The following GNAT3 variants were observed in gnomAD, a reference collection of about 807,000 sequenced individuals.
The protein encoded by GNAT3 is guanine nucleotide-binding protein G(t) subunit alpha-3.
GNAT3 carries 31 observed loss-of-function variants against 37.7 expected under a neutral mutation model. The observed-to-expected ratio is 0.82, with a 90% CI of 0.62 to 1.11. The LOEUF is 1.11. Among genes scored for constraint, GNAT3 ranks in the 50% most tolerant of loss-of-function variants. The probability of loss-of-function intolerance (pLI) is 0.00; values close to 1 mark genes in which losing one functional copy is unlikely to be tolerated. For missense variants in GNAT3, 437 were observed against 412.5 expected, an observed-to-expected ratio of 1.06 and a Z score of -0.51; for synonymous variants, 138 against 139.8, an observed-to-expected ratio of 0.99 and a Z score of 0.09.
At chr7:80,481,983 G>A (rs1790398526) in intron 3 of GNAT3, among the ~76,000 whole-genome samples, 1 of 152,154 alleles carries the variant, frequency 6.6e-6, no homozygotes, top group Non-Finnish European at 1.5e-5. Context: ...TGCATGTATT[G>A]ACTGATATCT....
chr7:80,484,718 G>T (rs533990471), intron 3 of GNAT3, among the ~76,000 whole-genome samples: 1 of 151,928 alleles, frequency 6.6e-6, no homozygotes, highest in East Asian at 1.9e-4. Flanking sequence ...AAAAAAGAGG[G>T]TTTGTTAACC....
chr7:80,463,649 T>C (rs1790089053), intron 5 of GNAT3, among the ~76,000 whole-genome samples: 2 of 151,888 alleles, frequency 1.3e-5, no homozygotes, highest in African/African-American at 4.8e-5. Context: ...ATCTCCCTAA[T>C]ACAATAGCAG....
chr7:80,468,541 T>C (rs531146331), intron 5 of GNAT3, among the ~76,000 whole-genome samples: 2 of 152,208 alleles, frequency 1.3e-5, no homozygotes, highest in East Asian at 1.9e-4. Flanking sequence ...TTCAAGATGT[T>C]AGTCTCTATC....
At chr7:80,477,565 A>T (rs141206036) in intron 4 of GNAT3, among the ~76,000 whole-genome samples, 57 of 152,064 alleles carry the variant, frequency 3.7e-4, no homozygotes, top group African/African-American at 1.3e-3. Flanking sequence ...ATTACAGAAA[A>T]TTTTTTCTCT....
At chr7:80,481,460 A>T (rs977875572) in intron 3 of GNAT3, among the ~76,000 whole-genome samples, 1 of 152,232 alleles carries the variant, frequency 6.6e-6, no homozygotes, top group Admixed American at 6.5e-5. Flanking sequence ...CAGAGATCTT[A>T]GGACTGATAA....
intron 7 of GNAT3, among the ~76,000 whole-genome samples, chr7:80,460,617 G>T (rs369548816): frequency 4.6e-5 from 7 of 151,982 alleles, no homozygotes. Context: ...GCGTGGTGGC[G>T]TGCACCTGTA....
intron 4 of GNAT3, among the ~76,000 whole-genome samples, chr7:80,477,165 C>T (rs142399413): frequency 1.7e-3 from 259 of 152,098 alleles, no homozygotes; most frequent in African/African-American, 5.9e-3. Flanking sequence ...CTAGAAAATA[C>T]AATAAAATGC....
intron 5 of GNAT3, among the ~76,000 whole-genome samples, chr7:80,466,631 C>T (rs1414073233): frequency 1.3e-5 from 2 of 151,852 alleles, no homozygotes; most frequent in East Asian, 1.9e-4. Flanking sequence ...ACATAAACTC[C>T]CCAGGAGGAG....
At chr7:80,487,894 C>T (rs1424858873) in intron 3 of GNAT3, 1 of 151,868 alleles carries the variant, frequency 6.6e-6, no homozygotes, top group East Asian at 1.9e-4. Flanking sequence ...ATATGTCTGC[C>T]TATAAACTTT....
At chr7:80,461,097 A>C (rs544988561) in intron 7 of GNAT3, among the ~76,000 whole-genome samples, 4 of 151,230 alleles carry the variant, frequency 2.6e-5, no homozygotes, top group Admixed American at 1.3e-4. Context: ...AAATGTATGA[A>C]TATATTATAA....
chr7:80,495,646 G>T (rs951320400), intron 1 of GNAT3, among the ~76,000 whole-genome samples: 5 of 151,540 alleles, frequency 3.3e-5, no homozygotes, highest in African/African-American at 1.2e-4. Flanking sequence ...ATTTTTTGTA[G>T]TTTAGTAGAG....
In GNAT3 at chr7:80,482,914, C is replaced by G. The variant is rs373772389; in HGVS notation, c.304-3916G>C. 6.6e-3 allele frequency among the ~76,000 whole-genome samples: 999 copies of G among 152,134 alleles called. 8 individuals are homozygous for G. The highest frequency in any genetic ancestry group is 0.027 in the Middle Eastern group (8 of 294). Reference sequence around the variant, plus strand: ...CATGAATATAGTTCTAGTTTAAACACTTCAATGTTACAAAGTCTCCCTTGA... The same window carrying G: ...CATGAATATAGTTCTAGTTTAAACAGTTCAATGTTACAAAGTCTCCCTTGA... On this transcript the variant is annotated intron_variant, in intron 3 of 7. Coordinates refer to ENST00000398291, the MANE Select transcript of GNAT3 (RefSeq NM_001102386.3).
intron 5 of GNAT3, among the ~76,000 whole-genome samples, chr7:80,466,761 A>G (rs1204220678): frequency 6.6e-6 from 1 of 152,166 alleles, no homozygotes; most frequent in Non-Finnish European, 1.5e-5. Flanking sequence ...AATCAGAGTA[A>G]CAGCAAACTC....
intron 7 of GNAT3, among the ~76,000 whole-genome samples, chr7:80,459,450 G>A (rs1031835707): frequency 3.3e-5 from 5 of 152,134 alleles, no homozygotes; most frequent in Non-Finnish European, 7.4e-5. Flanking sequence ...CTAGATTATA[G>A]ACTATGTTAC....
chr7:80,506,114 T>A (rs536562638), intron 1 of GNAT3, among the ~76,000 whole-genome samples: 1 of 152,368 alleles, frequency 6.6e-6, no homozygotes, highest in African/African-American at 2.4e-5. Flanking sequence ...TAACTGCTCA[T>A]GTTGCTTATA....
intron 1 of GNAT3, among the ~76,000 whole-genome samples, chr7:80,497,656 A>G (rs1211574539): frequency 2.6e-3 from 274 of 105,648 alleles, no homozygotes; most frequent in South Asian, 4.5e-3. Context: ...ATACGTATAT[A>G]CATATACGTA....
intron 4 of GNAT3, among the ~76,000 whole-genome samples, chr7:80,475,917 G>A (rs1790294841): frequency 6.6e-6 from 1 of 151,946 alleles, no homozygotes; most frequent in Admixed American, 6.6e-5. Flanking sequence ...TTTGAAAAAA[G>A]AGTGAAACAT....
chr7:80,464,756 A>G (rs545538681), intron 5 of GNAT3, among the ~76,000 whole-genome samples: 2 of 152,264 alleles, frequency 1.3e-5, no homozygotes, highest in Admixed American at 6.5e-5. Context: ...AATCAAAAGT[A>G]CAATATATTA....
chr7:80,503,051 T>A (rs559850872), intron 1 of GNAT3, among the ~76,000 whole-genome samples: 7 of 152,112 alleles, frequency 4.6e-5, no homozygotes, highest in Admixed American at 1.3e-4. Flanking sequence ...GTAGTCTTTA[T>A]TTTTTTTAAA....
Sources: allele counts gnomAD v4.1 joint callset (sites outside exome capture counted in the v4.1 genomes callset), GRCh38; gene constraint gnomAD v4.1.1; transcripts MANE v1.5; gene names NCBI Gene and HGNC (gene_info 2026-07-23, HGNC 2026-07-21).